CTPS2: variants seen among roughly 807,000 people sequenced by gnomAD.
CTPS2 encodes CTP synthase 2, also known as CTP synthase II.
Under a neutral mutation model 46.8 loss-of-function variants are expected in CTPS2, and 19 were observed. That is an observed-to-expected ratio of 0.41 (90% CI 0.28 to 0.60). The LOEUF (loss-of-function observed/expected upper bound fraction) is 0.60. CTPS2 is among the 20% of genes least tolerant of loss of function. The probability of loss-of-function intolerance (pLI) is 0.35; values close to 1 mark genes in which losing one functional copy is unlikely to be tolerated. For synonymous variants in CTPS2, 151 were observed against 165.2 expected, an observed-to-expected ratio of 0.91 and a Z score of 0.66; for missense variants, 286 against 447.6, an observed-to-expected ratio of 0.64 and a Z score of 3.26.
intron 13 of CTPS2, among the ~76,000 whole-genome samples, chrX:16,665,757 T>G (rs1253713965): frequency 8.9e-6 from 1 of 111,928 alleles, no homozygotes; most frequent in East Asian, 2.8e-4. Flanking sequence ...GTTTTTTGTT[T>G]GTTTGTTTTT....
intron 17 of CTPS2, among the ~76,000 whole-genome samples, chrX:16,599,161 C>T (rs1929485206): frequency 8.9e-6 from 1 of 112,100 alleles, no homozygotes; most frequent in South Asian, 3.7e-4. Flanking sequence ...GATAGGGATG[C>T]CCTCTCTCAT....
chrX:16,710,929 T>G (rs1925421818), intron 1 of CTPS2, among the ~76,000 whole-genome samples: 1 of 112,414 alleles, frequency 8.9e-6, no homozygotes, highest in Non-Finnish European at 1.9e-5. Flanking sequence ...CTACTTCTTT[T>G]AAGCACACAA....
At chrX:16,682,877 C>A (rs1483473624) in intron 9 of CTPS2, among the ~76,000 whole-genome samples, 1 of 112,055 alleles carries the variant, frequency 8.9e-6, no homozygotes, top group African/African-American at 3.2e-5. Context: ...TAGACTTCAC[C>A]CTGCACGACT....
intron 2 of CTPS2, among the ~76,000 whole-genome samples, chrX:16,700,454 T>G (rs1376106483): frequency 1.9e-5 from 2 of 105,932 alleles, no homozygotes; most frequent in African/African-American, 6.9e-5. Flanking sequence ...TTCGCCATGT[T>G]TGCCAGGCTG....
intron 13 of CTPS2, among the ~76,000 whole-genome samples, chrX:16,648,705 T>C (rs1381329538): frequency 1.8e-5 from 2 of 112,267 alleles, no homozygotes; most frequent in South Asian, 3.7e-4. Context: ...TATTGGTGCA[T>C]AGCAAAGTCA....
At chrX:16,697,681 A>G (rs1924229857) in intron 4 of CTPS2, among the ~76,000 whole-genome samples, 1 of 109,776 alleles carries the variant, frequency 9.1e-6, no homozygotes, top group Non-Finnish European at 1.9e-5. Flanking sequence ...GGACTCAAGC[A>G]ATCCTCCCAC....
chrX:16,677,549 C>T (rs927257770), intron 10 of CTPS2, among the ~76,000 whole-genome samples: 2 of 111,524 alleles, frequency 1.8e-5, no homozygotes, highest in African/African-American at 6.5e-5. Flanking sequence ...TATTGAACCA[C>T]AGCAACTCCA....
intron 17 of CTPS2, among the ~76,000 whole-genome samples, chrX:16,593,097 C>T (rs1009190727): frequency 1.8e-5 from 2 of 111,675 alleles, no homozygotes; most frequent in Non-Finnish European, 3.8e-5. Flanking sequence ...GACCCATCCC[C>T]AGTCTTGGCC....
At chrX:16,663,193 G>A (rs1173806252) in intron 13 of CTPS2, among the ~76,000 whole-genome samples, 1 of 111,793 alleles carries the variant, frequency 8.9e-6, no homozygotes, top group Non-Finnish European at 1.9e-5. Flanking sequence ...TGTCACCCAG[G>A]CTGGAATGCA....
intron 1 of CTPS2, among the ~76,000 whole-genome samples, chrX:16,705,731 T>C (rs1218875670): frequency 9.0e-6 from 1 of 110,707 alleles, no homozygotes; most frequent in Non-Finnish European, 1.9e-5. Context: ...CTGGGCAACA[T>C]AGCGAGACCC....
intron 17 of CTPS2, among the ~76,000 whole-genome samples, chrX:16,605,116 G>T (rs997930400): frequency 3.6e-5 from 4 of 111,676 alleles, no homozygotes; most frequent in African/African-American, 1.3e-4. Context: ...GGCTTAGGCT[G>T]TTTATACAAT....
At chrX:16,659,065 C>T (rs1469535618) in intron 13 of CTPS2, among the ~76,000 whole-genome samples, 2 of 112,047 alleles carry the variant, frequency 1.8e-5, no homozygotes, top group Non-Finnish European at 3.8e-5. Flanking sequence ...TCCCAACCAA[C>T]GTTAGTCTAT....
intron 9 of CTPS2, 117 bp downstream of exon 9, chrX:16,682,977 G>T: frequency 1.3e-6 from 1 of 766,816 alleles, no homozygotes; most frequent in East Asian, 3.2e-5. Flanking sequence ...GAGTTCTTCT[G>T]GTGAATCGTA....
intron 13 of CTPS2, among the ~76,000 whole-genome samples, chrX:16,650,511 CT>C (rs1167079038): frequency 0.052 from 3,997 of 77,009 alleles, 85 homozygotes; most frequent in African/African-American, 0.14. Flanking sequence ...TCTAAGATGT[CT>C]TTTTTTTTTT....
chrX:16,625,770 C>T (rs1468295544), intron 14 of CTPS2, among the ~76,000 whole-genome samples: 3 of 109,888 alleles, frequency 2.7e-5, no homozygotes, highest in African/African-American at 6.6e-5. Context: ...GGAGTTTGGC[C>T]GTCCAGCAGC....
rs1928745963 is a variant in CTPS2, at chrX:16,588,837, T to C, written c.*980A>G. On this transcript the variant is annotated 3_prime_UTR_variant, in exon 19 of 19. Coordinates refer to ENST00000359276, the MANE Select transcript of CTPS2 (RefSeq NM_175859.3). ...TCACTTCAAAATGGTTAATTCTATG[T>C]TACGTGAATTTCACGTCGATTAAAA... is the stretch of plus-strand genomic sequence containing the variant. 1 of 112,043 alleles carries C rather than the reference T, an allele frequency of 8.9e-6. No homozygotes were observed. Among genetic ancestry groups the C allele is most frequent in the Non-Finnish European group, 1.9e-5 (1 of 53,268 alleles). 9.2% of individuals were successfully genotyped at this position (112,043 alleles called of 1,213,427 possible). A position where few individuals can be genotyped will look rare whatever the true frequency, so the allele number is the denominator to read the frequency against.
chrX:16,614,121 A>G (rs1489737449), intron 16 of CTPS2, among the ~76,000 whole-genome samples: 1 of 112,100 alleles, frequency 8.9e-6, no homozygotes, highest in Non-Finnish European at 1.9e-5. Flanking sequence ...AAAATTGCAA[A>G]AAAATCTCAT....
intron 11 of CTPS2, among the ~76,000 whole-genome samples, chrX:16,668,982 T>C (rs890919879): frequency 3.6e-5 from 4 of 111,263 alleles, no homozygotes; most frequent in African/African-American, 9.8e-5. Context: ...CTCCTTCTCA[T>C]GGTGACTTCA....
At chrX:16,590,547 T>C (rs185307190) in intron 18 of CTPS2, among the ~76,000 whole-genome samples, 9 of 111,648 alleles carry the variant, frequency 8.1e-5, no homozygotes, top group Non-Finnish European at 1.7e-4. Flanking sequence ...ATATTTTTTT[T>C]TTCCTGGCCC....
Sources: gnomAD v4.1 joint callset for allele counts (sites outside exome capture counted in the v4.1 genomes callset) on GRCh38, gnomAD v4.1.1 for gene constraint, MANE v1.5 for transcripts, NCBI Gene and HGNC (gene_info 2026-07-23, HGNC 2026-07-21) for gene names.